The following PIP5KL1 variants were observed in gnomAD, a reference collection of about 807,000 sequenced individuals.
The protein encoded by PIP5KL1 is phosphatidylinositol-4-phosphate 5-kinase like 1, also known as phosphatidylinositol 4-phosphate 5-kinase-like protein 1.
Under a neutral mutation model 47.6 loss-of-function variants are expected in PIP5KL1, and 45 were observed. The ratio of observed to expected loss-of-function variants is 0.94; its 90% confidence interval spans 0.74 to 1.21. The LOEUF (loss-of-function observed/expected upper bound fraction) is 1.21. Ranked by LOEUF, PIP5KL1 falls within the 50% of genes most tolerant of loss-of-function variation. The pLI is 0.00. For synonymous variants in PIP5KL1, 256 were observed against 234.6 expected, an observed-to-expected ratio of 1.09 and a Z score of -0.84; for missense variants, 577 against 547.6, an observed-to-expected ratio of 1.05 and a Z score of -0.54.
rs557953580 is a variant in PIP5KL1, at chr9:127,925,306, G to A, written c.764-46C>T. Reference sequence around the variant, plus strand: ...CCACCTGAGCGCTCATCATGTGCCAGCCACGGTGCTCCACACACTCTGCCC... The same window carrying A: ...CCACCTGAGCGCTCATCATGTGCCAACCACGGTGCTCCACACACTCTGCCC... On this transcript the variant is annotated intron_variant, in intron 8 of 9. Transcript: ENST00000388747. The A allele has an allele frequency of 1.1e-5, 17 of 1,597,444 alleles. No homozygotes were observed. The Admixed American group carries it at 2.9e-4, about 27-fold the overall frequency.
chr9:127,921,911 G>C lies in PIP5KL1; in HGVS notation c.1121C>G (p.Ser374Cys), dbSNP rs750869593. The change falls in exon 10 of 10, where the codon TCC (serine) becomes TGC (cysteine). Residue 374 changes from serine (S) to cysteine (C), a missense_variant. Physicochemically the swap from Ser to Cys is moderately radical, Grantham distance 112 (BLOSUM62 -1). Transcript: ENST00000388747. ...KTLRYPGRTF[S>C]TVSPARYARR... ...GGCGTAGCGAGCCGGGCTGACAGTG[G>C]AGAAGGTCCGGCCTGGGTAGCGCAG... is the stretch of plus-strand genomic sequence containing the variant. 1.3e-6 allele frequency: 2 copies of C among 1,578,064 alleles called. No homozygotes were observed. Among genetic ancestry groups the C allele is most frequent in the Non-Finnish European group, 8.6e-7 (1 of 1,164,570 alleles).
chr9:127,925,038 T>A (rs1397625260), intron 9 of PIP5KL1, 69 bp downstream of exon 9: 1 of 1,574,288 alleles, frequency 6.4e-7, no homozygotes, highest in Non-Finnish European at 8.7e-7. Context: ...TGCACTCCCA[T>A]GCCCCCATGT....
chr9:127,922,706 AAAAAAG>A (rs1554720836), intron 9 of PIP5KL1, among the ~76,000 whole-genome samples: 115 of 146,256 alleles, frequency 7.9e-4, no homozygotes, highest in Middle Eastern at 3.4e-3. Flanking sequence ...AAAAAAAAAA[AAAAAAG>A]AAAAAAGAAA....
At chr9:127,926,770 C>T (rs1315415008) in intron 7 of PIP5KL1, among the ~76,000 whole-genome samples, 2 of 152,092 alleles carry the variant, frequency 1.3e-5, no homozygotes. Context: ...GGCCGGGGGG[C>T]GGGGAACCTG....
rs1463241549 is a variant in PIP5KL1 at position 127,927,518 on chromosome 9, C to T, written c.559+130G>A. 6 of 1,435,548 alleles carry T rather than the reference C, an allele frequency of 4.2e-6. No individual in the cohort carries two copies. In the African/African-American group the frequency reaches 7.2e-5, roughly 17 times the overall value. The allele number at this position is 1,435,548 out of a possible 1,614,324, so 88.9% of individuals were successfully genotyped here. On this transcript the variant is annotated intron_variant, in intron 5 of 9. Coordinates refer to ENST00000388747, the MANE Select transcript of PIP5KL1 (RefSeq NM_001135219.2). The surrounding 1 kb of genome is among the most constrained non-coding windows in gnomAD (Gnocchi z 5.5). ...CAGCCCCAGTGGTGCCCCGCCCCCA[C>T]GTATGGCCCCACCCCCATGCCCTAC... is the stretch of plus-strand genomic sequence containing the variant.
chr9:127,926,052 A>G, intron 7 of PIP5KL1, 73 bp from the exon 8 acceptor site: 1 of 1,041,004 alleles, frequency 9.6e-7, no homozygotes. Context: ...GCTTCCAGTG[A>G]CTACTTATGT....
rs563424280 is a variant in PIP5KL1 at position 127,927,839 on chromosome 9, C to T, written c.435-67G>A. On this transcript the variant is annotated intron_variant, in intron 4 of 9. Transcript: ENST00000388747. This position sits in a 1 kb window ranked among gnomAD's most constrained non-coding sequence, Gnocchi z 5.5. ...GAGCGGCTCCCACCCGGCCCCCTTC[C>T]CCGACCTGTGCACGTGGATCTCGCT... 14 of 1,519,780 alleles carry T rather than the reference C, an allele frequency of 9.2e-6. No individual in the cohort carries two copies. The South Asian group carries it at 1.5e-4, about 16-fold the overall frequency. 94.1% of individuals were successfully genotyped at this position (1,519,780 alleles called of 1,614,324 possible). A position where few individuals can be genotyped will look rare whatever the true frequency, so the allele number is the denominator to read the frequency against.
At chr9:127,923,568 G>A (rs954273426) in intron 9 of PIP5KL1, among the ~76,000 whole-genome samples, 15 of 152,242 alleles carry the variant, frequency 9.9e-5, no homozygotes, top group Non-Finnish European at 1.2e-4. Context: ...GGGAGGCTCC[G>A]TGCCCCATGG....
rs1423996000 is a variant in PIP5KL1 at position 127,929,717 on chromosome 9, T to C, written c.199A>G (p.Thr67Ala). ...CMMQAGLWAA[T>A]QVSMDHPPTG... ...GGTGGGTGGTCCATGGAGACCTGGG[T>C]GGCAGCCCACAGCCCTGCCTGCATC... Residue 67 changes from threonine (T) to alanine (A), a missense_variant, in exon 2 of 10, where the codon ACC becomes GCC. Physicochemically the swap from Thr to Ala is moderately conservative, Grantham distance 58. Transcript: ENST00000388747. The surrounding 1 kb of genome is among the most constrained non-coding windows in gnomAD (Gnocchi z 4.0). 5.7e-6 allele frequency: 9 copies of C among 1,583,586 alleles called. No individual in the cohort carries two copies. In the African/African-American group the frequency reaches 8.1e-5, roughly 14 times the overall value.
In PIP5KL1 at chr9:127,925,892, G is replaced by T; in HGVS notation, c.738C>A (p.Asn246Lys). Residue 246 changes from asparagine (N) to lysine (K), a missense_variant, in exon 8 of 10, where the codon AAC becomes AAA. By Grantham distance (94) the Asn-to-Lys change is moderately conservative. Coordinates refer to ENST00000388747, the MANE Select transcript of PIP5KL1 (RefSeq NM_001135219.2). ...CCAGGTTGATGGTCTTGCCCTGAAAGTTGAGGTCCTTCAGCACCAGAACAA... is the reference window on the plus strand; with the variant it reads ...CCAGGTTGATGGTCTTGCCCTGAAATTTGAGGTCCTTCAGCACCAGAACAA... ...SPLVLVLKDLNFQGKTINLGP... is the reference protein window; with the variant it reads ...SPLVLVLKDLKFQGKTINLGP... The T allele has an allele frequency of 6.2e-7, 1 of 1,614,126 alleles. No individual in the cohort carries two copies. Among genetic ancestry groups the T allele is most frequent in the East Asian group, 2.2e-5 (1 of 44,892 alleles).
intron 8 of PIP5KL1, 89 bp from the exon 9 acceptor site, chr9:127,925,349 T>C: frequency 7.0e-7 from 1 of 1,431,568 alleles, no homozygotes; most frequent in Non-Finnish European, 9.4e-7. Flanking sequence ...GCATGTGGCA[T>C]TACTGTCCCC....
In PIP5KL1 at chr9:127,921,623, A is replaced by T; in HGVS notation, c.*224T>A. 1.6e-6 allele frequency: 1 copy of T among 607,716 alleles called. No homozygotes were observed. The highest frequency in any genetic ancestry group is 2.8e-6 in the Non-Finnish European group (1 of 354,630). The allele number at this position is 607,716 out of a possible 1,614,324, so 37.6% of individuals were successfully genotyped here. ...TCATGGTCTGTAAAAAGAGAATAATAGCATTTTTTGAGGATTAAATGAGCT... is the reference window on the plus strand; with the variant it reads ...TCATGGTCTGTAAAAAGAGAATAATTGCATTTTTTGAGGATTAAATGAGCT... On this transcript the variant is annotated 3_prime_UTR_variant, in exon 10 of 10. Coordinates refer to ENST00000388747, the MANE Select transcript of PIP5KL1 (RefSeq NM_001135219.2).
In PIP5KL1 at chr9:127,922,044, TG is replaced by T; in HGVS notation, c.987del (p.Asn330ThrfsTer98). 6.4e-7 allele frequency: 1 copy of T among 1,569,178 alleles called. No individual in the cohort carries two copies. ...AQNRRLLPDA[P>X]NALHILDGPE... is the part of the protein sequence containing the mutation. ...GGCCCGTCCAGGATGTGTAGGGCGT[TG>T]GGGGCGTCGGGCAGCAGCCGGCGGT... On this transcript the variant is annotated frameshift_variant, in exon 10 of 10. Transcript: ENST00000388747. LOFTEE classifies it high-confidence loss of function.
chr9:127,929,918 G>A lies in PIP5KL1; in HGVS notation c.31-33C>T. ...GAGGAGGCACAGGACACAGCCTGTG[G>A]CAGCGTCACAGAGGAAAAAGATCAG... On this transcript the variant is annotated intron_variant, in intron 1 of 9. Transcript: ENST00000388747. This position sits in a 1 kb window ranked among gnomAD's most constrained non-coding sequence, Gnocchi z 4.0. 1 of 1,459,720 alleles carries A rather than the reference G, an allele frequency of 6.9e-7. No homozygotes were observed. The highest frequency in any genetic ancestry group is 9.1e-7 in the Non-Finnish European group (1 of 1,097,182). The allele number at this position is 1,459,720 out of a possible 1,614,324, so 90.4% of individuals were successfully genotyped here. A position where few individuals can be genotyped will look rare whatever the true frequency, so the allele number is the denominator to read the frequency against.
chr9:127,928,648 T>C, intron 2 of PIP5KL1, 165 bp from the exon 3 acceptor site: 1 of 705,070 alleles, frequency 1.4e-6, no homozygotes, highest in South Asian at 1.9e-5. Flanking sequence ...GGCAGATGCA[T>C]TGCTCACCTC....
At position 127,928,066 on chromosome 9, in the gene PIP5KL1, A is replaced by G; in HGVS notation, c.433T>C (p.Ser145Pro). Residue 145 changes from serine (S) to proline (P), a missense_variant and splice_region_variant, in exon 4 of 10, where the codon TCC becomes CCC. Transcript: ENST00000388747. Reference protein sequence around the residue: ...TSKSKASFFLSHDQRFFLKTQ... With the variant: ...TSKSKASFFLPHDQRFFLKTQ... Reference sequence around the variant, plus strand: ...GCCCCACCCCTGCCGCAAGCTCACGACAGGAAGAAGCTGGCCTTGCTCTTG... The same window carrying G: ...GCCCCACCCCTGCCGCAAGCTCACGGCAGGAAGAAGCTGGCCTTGCTCTTG... The G allele has an allele frequency of 6.6e-7, 1 of 1,526,116 alleles. No individual in the cohort carries two copies. The highest frequency in any genetic ancestry group is 8.8e-7 in the Non-Finnish European group (1 of 1,133,474). The allele number at this position is 1,526,116 out of a possible 1,614,324, so 94.5% of individuals were successfully genotyped here. A position where few individuals can be genotyped will look rare whatever the true frequency, so the allele number is the denominator to read the frequency against.
Position 127,929,579 on chromosome 9 carries a change from C to G in PIP5KL1, c.228+109G>C. On this transcript the variant is annotated intron_variant, in intron 2 of 9. Transcript: ENST00000388747. The surrounding 1 kb of genome is among the most constrained non-coding windows in gnomAD (Gnocchi z 4.0). ...TGTTCCTCCCTCTCTGCCTTCCTCCCCTTGATATCCCTCTCTGATCCCCAC... is the reference window on the plus strand; with the variant it reads ...TGTTCCTCCCTCTCTGCCTTCCTCCGCTTGATATCCCTCTCTGATCCCCAC... 1 of 1,161,662 alleles carries G rather than the reference C, an allele frequency of 8.6e-7. No homozygotes were observed. 72.0% of individuals were successfully genotyped at this position (1,161,662 alleles called of 1,614,324 possible).
rs902159660 is a variant in PIP5KL1 at position 127,925,163 on chromosome 9, T to C, written c.861A>G (p.Gln287=). 1 of 1,613,968 alleles carries C rather than the reference T, an allele frequency of 6.2e-7. No homozygotes were observed. The highest frequency in any genetic ancestry group is 2.2e-5 in the East Asian group (1 of 44,886). Reference sequence around the variant, plus strand: ...GGCCCCTCTCATCCTCGTGGAGACGTTGGAAGGCTATCAGGAGGCTGTAAT... The same window carrying C: ...GGCCCCTCTCATCCTCGTGGAGACGCTGGAAGGCTATCAGGAGGCTGTAAT... ...VLDYSLLIAF[Q]RLHEDERGPG... is the part of the protein sequence containing the mutation. The change falls in exon 9 of 10, where the codon CAA becomes CAG. Residue 287 remains glutamine (Q), a synonymous_variant. Coordinates refer to ENST00000388747, the MANE Select transcript of PIP5KL1 (RefSeq NM_001135219.2).
At position 127,925,966 on chromosome 9, in the gene PIP5KL1, C is replaced by G; in HGVS notation, c.664G>C (p.Gly222Arg). 1.9e-6 allele frequency: 3 copies of G among 1,612,634 alleles called. No homozygotes were observed. The highest frequency in any genetic ancestry group is 2.5e-6 in the Non-Finnish European group (3 of 1,179,172). ...TCCACCCAGCGGCTCACCTCGCAGC[C>G]TTTGATGTCATACCTGGGTGGGGGG... ...GRISERYDIKGCEVSRWVDPA... is the reference protein window; with the variant it reads ...GRISERYDIKRCEVSRWVDPA... Residue 222 changes from glycine (G) to arginine (R), a missense_variant, in exon 8 of 10, where the codon GGC (glycine) becomes CGC (arginine). By Grantham distance (125) the Gly-to-Arg change is moderately radical. Coordinates refer to ENST00000388747, the MANE Select transcript of PIP5KL1 (RefSeq NM_001135219.2).
Sources: allele counts gnomAD v4.1 joint callset (sites outside exome capture counted in the v4.1 genomes callset), GRCh38; gene constraint gnomAD v4.1.1; non-coding constraint Gnocchi (gnomAD v3.1); transcripts MANE v1.5; gene names NCBI Gene and HGNC (gene_info 2026-07-23, HGNC 2026-07-21).